TOX: variants seen among roughly 807,000 people sequenced by gnomAD.
The protein encoded by TOX is thymocyte selection associated high mobility group box.
In TOX, 11 loss-of-function variants were observed where a neutral mutation model predicts 53.7. The ratio of observed to expected loss-of-function variants is 0.20; its 90% CI spans 0.13 to 0.34. TOX has a LOEUF of 0.34. Ranked by LOEUF, TOX falls within the 10% of genes least tolerant of loss-of-function variation. The pLI, the probability that TOX is intolerant of heterozygous loss-of-function variation, is 1.00. For synonymous variants in TOX, 225 were observed against 245.3 expected, an observed-to-expected ratio of 0.92 and a Z score of 0.77; for missense variants, 570 against 664.6, an observed-to-expected ratio of 0.86 and a Z score of 1.56.
At chr8:58,985,280 A>C (rs1813306324) in intron 1 of TOX, among the ~76,000 whole-genome samples, 1 of 152,178 alleles carries the variant, frequency 6.6e-6, no homozygotes, top group Non-Finnish European at 1.5e-5. Flanking sequence ...AAAAGGTAGC[A>C]TATATACACA....
At chr8:59,106,978 T>C (rs1358344857) in intron 1 of TOX, among the ~76,000 whole-genome samples, 1 of 146,556 alleles carries the variant, frequency 6.8e-6, no homozygotes, top group African/African-American at 2.5e-5. Flanking sequence ...CCTTTTCAAC[T>C]GGGTGAATCT....
chr8:59,107,047 G>GGA (rs1554547185), intron 1 of TOX, among the ~76,000 whole-genome samples: 1 of 46,546 alleles, frequency 2.1e-5, no homozygotes, highest in African/African-American at 1.2e-4. Context: ...GCAGTTTGCT[G>GGA]GGGGGGGGGG....
Position 58,953,048 on chromosome 8 carries a change from CT to C in TOX, c.168+6894del, listed in dbSNP as rs1047081623. Among the ~76,000 whole-genome samples the C allele has an allele frequency of 7.5e-4, 113 of 151,022 alleles. 1 individual carries two copies. Among genetic ancestry groups the C allele is most frequent in the African/African-American group, 2.3e-3 (95 of 41,238 alleles). ...CAGTTTAAATATTATGGCCTATTTACTTTTTTTTTAGGAATTCATATTTTCA... is the reference window on the plus strand; with the variant it reads ...CAGTTTAAATATTATGGCCTATTTACTTTTTTTTAGGAATTCATATTTTCA... On this transcript the variant is annotated intron_variant, in intron 2 of 8. Coordinates refer to ENST00000361421, the MANE Select transcript of TOX (RefSeq NM_014729.3).
intron 2 of TOX, among the ~76,000 whole-genome samples, chr8:58,950,698 G>A (rs1812607612): frequency 6.6e-6 from 1 of 152,092 alleles, no homozygotes; most frequent in East Asian, 1.9e-4. Flanking sequence ...GTGGAGGGAG[G>A]GTGAGATGTC....
intron 6 of TOX, among the ~76,000 whole-genome samples, chr8:58,819,348 G>C (rs957574128): frequency 6.6e-6 from 1 of 152,176 alleles, no homozygotes; most frequent in African/African-American, 2.4e-5. Flanking sequence ...TTGGTCACCT[G>C]ACAAATGTGT....
chr8:58,851,230 A>C lies in TOX; in HGVS notation c.693+294T>G, dbSNP rs987671291. On this transcript the variant is annotated intron_variant, in intron 4 of 8. Coordinates refer to ENST00000361421, the MANE Select transcript of TOX (RefSeq NM_014729.3). The surrounding 1 kb of genome is among the most constrained non-coding windows in gnomAD (Gnocchi z 4.4). ...ACACACACGACCTTCATTGTACCCC[A>C]GTATACTGCCTTCTTAAAATGGTAC... Among the ~76,000 whole-genome samples, 1 of 148,464 alleles carries C rather than the reference A, an allele frequency of 6.7e-6. No individual in the cohort carries two copies. The highest frequency in any genetic ancestry group is 2.5e-5 in the African/African-American group (1 of 40,126).
intron 1 of TOX, among the ~76,000 whole-genome samples, chr8:58,984,245 A>G (rs1162425670): frequency 6.6e-6 from 1 of 152,212 alleles, no homozygotes; most frequent in African/African-American, 2.4e-5. Context: ...ATAGGAGAAA[A>G]TATTTGTAAA....
intron 3 of TOX, among the ~76,000 whole-genome samples, chr8:58,892,128 G>A (rs1364357478): frequency 6.6e-6 from 1 of 152,160 alleles, no homozygotes; most frequent in Admixed American, 6.5e-5. Flanking sequence ...ACAATTGACT[G>A]TTGTTATAAT....
At chr8:58,852,602 G>C (rs1810843467) in intron 3 of TOX, among the ~76,000 whole-genome samples, 1 of 152,100 alleles carries the variant, frequency 6.6e-6, no homozygotes, top group African/African-American at 2.4e-5. Flanking sequence ...GGTATCTAGA[G>C]GTCAAATGTA....
chr8:58,987,342 G>A (rs1472740312), intron 1 of TOX, among the ~76,000 whole-genome samples: 1 of 152,156 alleles, frequency 6.6e-6, no homozygotes. Flanking sequence ...GCCAAATGCA[G>A]GGACAACAGA....
chr8:58,935,005 A>G (rs1812319398), intron 3 of TOX, among the ~76,000 whole-genome samples: 1 of 152,162 alleles, frequency 6.6e-6, no homozygotes, highest in Admixed American at 6.5e-5. Flanking sequence ...TCATTCAGAC[A>G]CTGATTTTTA....
At chr8:58,997,330 T>C (rs1167061920) in intron 1 of TOX, among the ~76,000 whole-genome samples, 1 of 152,230 alleles carries the variant, frequency 6.6e-6, no homozygotes, top group Non-Finnish European at 1.5e-5. Context: ...TGGAGACCAG[T>C]GGATGAAGAC....
Position 58,807,591 on chromosome 8 carries a change from T to G in TOX, c.*156A>C. 1 of 676,896 alleles carries G rather than the reference T, an allele frequency of 1.5e-6. No individual in the cohort carries two copies. Among genetic ancestry groups the G allele is most frequent in the East Asian group, 2.7e-5 (1 of 36,718 alleles). 41.9% of individuals were successfully genotyped at this position (676,896 alleles called of 1,614,324 possible). A position where few individuals can be genotyped will look rare whatever the true frequency, so the allele number is the denominator to read the frequency against. On this transcript the variant is annotated 3_prime_UTR_variant, in exon 9 of 9. Transcript: ENST00000361421. ...AAAATAATAAAGAAGCATGACTATT[T>G]CTTCCAGAGTGGGTGACCCACAAGC...
rs1804501862 is a variant in TOX, at chr8:59,085,993, T to C, written c.102+32893A>G. ...TCTTTTCTTTTCTTTTTTTTTTTTTTTTTTTTTTTGAGACAGAGTTTCATT... is the reference window on the plus strand; with the variant it reads ...TCTTTTCTTTTCTTTTTTTTTTTTTCTTTTTTTTTGAGACAGAGTTTCATT... On this transcript the variant is annotated intron_variant, in intron 1 of 8. Transcript: ENST00000361421. 2.0e-5 allele frequency among the ~76,000 whole-genome samples: 3 copies of C among 147,104 alleles called. No individual in the cohort carries two copies. In the South Asian group the frequency reaches 6.5e-4, roughly 32 times the overall value.
chr8:58,968,423 G>A (rs770157527), intron 1 of TOX, among the ~76,000 whole-genome samples: 2 of 152,078 alleles, frequency 1.3e-5, no homozygotes, highest in African/African-American at 2.4e-5. Flanking sequence ...TTGAAATTCA[G>A]CACAGTTTCA....
intron 1 of TOX, among the ~76,000 whole-genome samples, chr8:58,998,515 AT>A (rs1563413346): frequency 1.2e-4 from 10 of 80,776 alleles, no homozygotes; most frequent in Admixed American, 4.9e-4. Flanking sequence ...ATATATATAT[AT>A]ATATATATAT....
chr8:58,996,196 T>C (rs1225830351), intron 1 of TOX, among the ~76,000 whole-genome samples: 1 of 152,216 alleles, frequency 6.6e-6, no homozygotes, highest in African/African-American at 2.4e-5. Flanking sequence ...AAACTTTCTA[T>C]ACATGTATTG....
intron 1 of TOX, among the ~76,000 whole-genome samples, chr8:59,088,747 C>A (rs1425713891): frequency 1.3e-5 from 2 of 152,174 alleles, no homozygotes; most frequent in Admixed American, 1.3e-4. Flanking sequence ...AATGAGGTAG[C>A]TGTGGTGTAA....
rs973636626 is a variant in TOX, at chr8:58,981,284, T to C, written c.103-21276A>G. 5.3e-5 allele frequency among the ~76,000 whole-genome samples: 8 copies of C among 152,128 alleles called. No homozygotes were observed. The South Asian group carries it at 1.7e-3, about 32-fold the overall frequency. On this transcript the variant is annotated intron_variant, in intron 1 of 8. Transcript: ENST00000361421. ...CCTTCCCAATTACCTTTAATCCCTC[T>C]ACCTCTCTCTAGTCGTCGTTCCACT...
Sources: allele counts gnomAD v4.1 joint callset (sites outside exome capture counted in the v4.1 genomes callset), GRCh38; gene constraint gnomAD v4.1.1; non-coding constraint Gnocchi (gnomAD v3.1); transcripts MANE v1.5; gene names NCBI Gene and HGNC (gene_info 2026-07-23, HGNC 2026-07-21).